FMNL2: variants seen among roughly 807,000 people sequenced by gnomAD.
FMNL2 encodes the protein formin-like protein 2.
A neutral mutation model predicts 130.2 loss-of-function variants in FMNL2; 51 were observed. That is an observed-to-expected ratio of 0.39 (90% CI 0.31 to 0.49). FMNL2 has a LOEUF of 0.49. Among genes scored for constraint, FMNL2 ranks in the 20% least tolerant of loss-of-function variants. The pLI, the probability that FMNL2 is intolerant of heterozygous loss-of-function variation, is 0.85. For synonymous variants in FMNL2, 465 were observed against 467.1 expected, an observed-to-expected ratio of 1.00 and a Z score of 0.06; for missense variants, 977 against 1,316.2, an observed-to-expected ratio of 0.74 and a Z score of 3.99.
At chr2:152,459,421 T>C (rs1689121652) in intron 1 of FMNL2, among the ~76,000 whole-genome samples, 1 of 152,218 alleles carries the variant, frequency 6.6e-6, no homozygotes, top group South Asian at 2.1e-4. Flanking sequence ...CCCTGAAGAG[T>C]TGAGTCTAAG....
chr2:152,641,389 C>G (rs1286555795), intron 25 of FMNL2, among the ~76,000 whole-genome samples: 1 of 152,206 alleles, frequency 6.6e-6, no homozygotes, highest in Admixed American at 6.5e-5. Context: ...GTTTTATCAG[C>G]CAAGAATTGT....
At chr2:152,549,927 TC>T (rs1694845041) in intron 4 of FMNL2, among the ~76,000 whole-genome samples, 1 of 152,218 alleles carries the variant, frequency 6.6e-6, no homozygotes, top group Non-Finnish European at 1.5e-5. Flanking sequence ...GACTTTTAGA[TC>T]TTTTAGAATT....
intron 10 of FMNL2, 115 bp from the exon 11 acceptor site, chr2:152,611,380 G>A (rs1698674951): frequency 1.7e-6 from 1 of 591,478 alleles, no homozygotes; most frequent in Non-Finnish European, 3.0e-6. Flanking sequence ...CCAATGAAAT[G>A]AAGGAAAAGG....
chr2:152,628,670 A>G (rs1681965103), intron 18 of FMNL2, 137 bp downstream of exon 18: 2 of 704,952 alleles, frequency 2.8e-6, no homozygotes, highest in Non-Finnish European at 4.7e-6. Context: ...TTGCATTTTT[A>G]TTTCAACCAT....
At chr2:152,630,053 G>C in intron 20 of FMNL2, 148 bp downstream of exon 20, 2 of 686,840 alleles carry the variant, frequency 2.9e-6, no homozygotes, top group Non-Finnish European at 4.9e-6. Context: ...ATTTGACAGA[G>C]AGCACATAGA....
chr2:152,347,990 CCTT>C (rs1260411409), intron 1 of FMNL2, among the ~76,000 whole-genome samples: 1 of 150,982 alleles, frequency 6.6e-6, no homozygotes, highest in Non-Finnish European at 1.5e-5. Flanking sequence ...TGCTTTCTCT[CCTT>C]CGTATTTTTT....
At chr2:152,369,134 CTTT>C (rs1420921152) in intron 1 of FMNL2, among the ~76,000 whole-genome samples, 7 of 152,170 alleles carry the variant, frequency 4.6e-5, no homozygotes, top group Non-Finnish European at 1.0e-4. Context: ...ATACTTCCCA[CTTT>C]GTTTTAAAGG....
intron 1 of FMNL2, among the ~76,000 whole-genome samples, chr2:152,438,733 A>G (rs1308992414): frequency 6.6e-6 from 1 of 152,118 alleles, no homozygotes; most frequent in African/African-American, 2.4e-5. Context: ...TGGTTTAGCA[A>G]CATATTCTCT....
intron 1 of FMNL2, among the ~76,000 whole-genome samples, chr2:152,422,366 G>C (rs1416016988): frequency 2.0e-5 from 3 of 152,142 alleles, no homozygotes; most frequent in Non-Finnish European, 4.4e-5. Context: ...CCTGAAGGGG[G>C]ACCAGGAATA....
intron 1 of FMNL2, among the ~76,000 whole-genome samples, chr2:152,369,135 T>A (rs11885624): frequency 3.3e-5 from 5 of 152,046 alleles, no homozygotes; most frequent in Non-Finnish European, 7.4e-5. Flanking sequence ...TACTTCCCAC[T>A]TTGTTTTAAA....
At chr2:152,598,831 G>A (rs1348688297) in intron 9 of FMNL2, among the ~76,000 whole-genome samples, 1 of 152,234 alleles carries the variant, frequency 6.6e-6, no homozygotes, top group Non-Finnish European at 1.5e-5. Flanking sequence ...GATATAAGAG[G>A]AAACATTATG....
intron 25 of FMNL2, chr2:152,643,972 G>C (rs767199371): frequency 1.2e-6 from 1 of 826,090 alleles, no homozygotes; most frequent in Non-Finnish European, 1.5e-6. Context: ...GCACACGCCT[G>C]TAATTCCAGT....
At chr2:152,410,642 G>A (rs572200687) in intron 1 of FMNL2, among the ~76,000 whole-genome samples, 154 of 152,276 alleles carry the variant, frequency 1.0e-3, no homozygotes, top group African/African-American at 3.5e-3. Flanking sequence ...AGGGGCTCAC[G>A]CCTGGTGGAC....
intron 1 of FMNL2, among the ~76,000 whole-genome samples, chr2:152,479,020 A>G (rs915703420): frequency 6.6e-6 from 1 of 152,214 alleles, no homozygotes; most frequent in Non-Finnish European, 1.5e-5. Flanking sequence ...GAAATAATTG[A>G]AAGTATGTTA....
intron 1 of FMNL2, among the ~76,000 whole-genome samples, chr2:152,499,777 A>T (rs1260234994): frequency 6.6e-6 from 1 of 152,242 alleles, no homozygotes; most frequent in Admixed American, 6.5e-5. Flanking sequence ...GCCTAGAATA[A>T]GTATGATCCA....
chr2:152,610,415 AC>A (rs557264277), intron 10 of FMNL2, among the ~76,000 whole-genome samples: 3 of 151,778 alleles, frequency 2.0e-5, no homozygotes, highest in African/African-American at 7.3e-5. Context: ...ACACAGCGTC[AC>A]CCCCCCAGAA....
chr2:152,464,007 A>G (rs1689390041), intron 1 of FMNL2, among the ~76,000 whole-genome samples: 1 of 152,200 alleles, frequency 6.6e-6, no homozygotes. Flanking sequence ...GTCTTGGCTC[A>G]CTGCAACCTC....
chr2:152,636,165 A>G lies in FMNL2; in HGVS notation c.2681-262A>G, dbSNP rs373795969. Among the ~76,000 whole-genome samples the G allele has an allele frequency of 1.8e-4, 27 of 152,388 alleles. No individual in the cohort carries two copies. In the South Asian group the frequency reaches 5.2e-3, roughly 29 times the overall value. On this transcript the variant is annotated intron_variant, in intron 21 of 25. Transcript: ENST00000288670. ...ACCTACTAGCAGTGTGACCAAGGGC[A>G]GGCCACAGAACCTCTTTATGCTGCT...
chr2:152,401,213 CA>C (rs1227838885), intron 1 of FMNL2, among the ~76,000 whole-genome samples: 16 of 152,134 alleles, frequency 1.1e-4, no homozygotes, highest in African/African-American at 2.2e-4. Context: ...TTATCAGTTT[CA>C]AAAAGTATTA....
Sources: allele counts gnomAD v4.1 joint callset (sites outside exome capture counted in the v4.1 genomes callset), GRCh38; gene constraint gnomAD v4.1.1; transcripts MANE v1.5; gene names NCBI Gene and HGNC (gene_info 2026-07-23, HGNC 2026-07-21).